The following NTRK3 variants were observed in gnomAD, a reference collection of about 807,000 sequenced individuals.
NTRK3 encodes the protein NT-3 growth factor receptor.
Under a neutral mutation model 91.7 loss-of-function variants are expected in NTRK3, and 24 were observed. The observed-to-expected ratio is 0.26, with a 90% CI of 0.19 to 0.37. NTRK3 has a LOEUF of 0.37. NTRK3 is among the 10% of genes least tolerant of loss of function. NTRK3 has a pLI of 1.00. For missense variants in NTRK3, 880 were observed against 1,068.9 expected (o/e 0.82, Z 2.46); for synonymous variants, 483 against 404.0 (o/e 1.20, Z -2.34).
intron 14 of NTRK3, among the ~76,000 whole-genome samples, chr15:88,020,437 G>T (rs2077521276): frequency 1.3e-5 from 2 of 152,188 alleles, no homozygotes; most frequent in South Asian, 4.1e-4. Flanking sequence ...TTGGGGGAAA[G>T]AAGTCGCTGG....
intron 17 of NTRK3, among the ~76,000 whole-genome samples, chr15:87,882,939 A>T (rs1394605146): frequency 6.6e-6 from 1 of 151,974 alleles, no homozygotes; most frequent in African/African-American, 2.4e-5. Flanking sequence ...GAGTTATATC[A>T]CCTCTTAAAT....
chr15:88,039,739 C>T (rs1596900688), intron 13 of NTRK3, among the ~76,000 whole-genome samples: 1 of 152,190 alleles, frequency 6.6e-6, no homozygotes, highest in Non-Finnish European at 1.5e-5. Context: ...AAAAGATACA[C>T]CCACCAGCAG....
chr15:88,080,500 T>A (rs1268680950), intron 13 of NTRK3, among the ~76,000 whole-genome samples: 3 of 152,268 alleles, frequency 2.0e-5, no homozygotes, highest in Non-Finnish European at 4.4e-5. Flanking sequence ...TTTCTAATTC[T>A]GGGAATTGCC....
intron 14 of NTRK3, chr15:87,978,341 G>C (rs72481816): frequency 5.9e-4 from 135 of 230,516 alleles, no homozygotes; most frequent in Non-Finnish European, 9.7e-4. Flanking sequence ...AGAGGGGCTG[G>C]AGGAGGCCAA....
At chr15:87,983,258 C>T (rs2074451695) in intron 14 of NTRK3, among the ~76,000 whole-genome samples, 1 of 152,170 alleles carries the variant, frequency 6.6e-6, no homozygotes, top group Non-Finnish European at 1.5e-5. Flanking sequence ...GGCGCTGGGG[C>T]CCTGGGTGGT....
intron 13 of NTRK3, among the ~76,000 whole-genome samples, chr15:88,079,268 G>A (rs74700787): frequency 0.031 from 4,650 of 152,280 alleles, 230 homozygotes; most frequent in African/African-American, 0.1. Flanking sequence ...GACGATCAGC[G>A]TTTTGACAAG....
intron 13 of NTRK3, among the ~76,000 whole-genome samples, chr15:88,057,413 G>A (rs1278813094): frequency 6.6e-6 from 1 of 151,640 alleles, no homozygotes; most frequent in East Asian, 1.9e-4. Context: ...TGGGAGAAAC[G>A]CTGGAATCTG....
chr15:87,899,013 A>G (rs1267620117), intron 17 of NTRK3, among the ~76,000 whole-genome samples: 2 of 151,576 alleles, frequency 1.3e-5, no homozygotes, highest in Non-Finnish European at 2.9e-5. Context: ...CACCATAACA[A>G]CTCTAATTGC....
intron 13 of NTRK3, among the ~76,000 whole-genome samples, chr15:88,037,461 C>T (rs1170378883): frequency 6.6e-6 from 1 of 152,152 alleles, no homozygotes; most frequent in Non-Finnish European, 1.5e-5. Flanking sequence ...ACTAGAGAGG[C>T]TGAGGCAGGA....
chr15:87,929,429 T>C (rs764415972), exon 17 of NTRK3: 7 of 1,613,890 alleles, frequency 4.3e-6, no homozygotes, highest in Non-Finnish European at 5.1e-6. Context: ...ATCTGGCCCA[T>C]GGGCCCTGCA....
exon 18 of NTRK3, chr15:87,880,333 C>A (rs2141467284): frequency 6.2e-7 from 1 of 1,613,730 alleles, no homozygotes; most frequent in Non-Finnish European, 8.5e-7. Flanking sequence ...AGAGGATCAC[C>A]CCGAAGCTCC....
At chr15:88,103,060 C>T (rs2050342376) in intron 13 of NTRK3, among the ~76,000 whole-genome samples, 1 of 152,184 alleles carries the variant, frequency 6.6e-6, no homozygotes, top group Non-Finnish European at 1.5e-5. Flanking sequence ...GATATTATAA[C>T]TCCATTTTAT....
At chr15:88,058,723 G>A (rs113509565) in intron 13 of NTRK3, among the ~76,000 whole-genome samples, 4,928 of 152,190 alleles carry the variant, frequency 0.032, 110 homozygotes, top group Non-Finnish European at 0.048. Flanking sequence ...CTGCCCACAA[G>A]CCACATGGCT....
intron 3 of NTRK3, among the ~76,000 whole-genome samples, chr15:88,188,896 C>T (rs1597849695): frequency 6.6e-6 from 1 of 152,234 alleles, no homozygotes; most frequent in East Asian, 1.9e-4. Flanking sequence ...ATTTCTCATG[C>T]CTCTTCATTC....
At chr15:87,996,296 T>C (rs1197651531) in intron 14 of NTRK3, among the ~76,000 whole-genome samples, 1 of 152,118 alleles carries the variant, frequency 6.6e-6, no homozygotes, top group Non-Finnish European at 1.5e-5. Context: ...TTAAGAGTTG[T>C]ACAGAAACAG....
chr15:87,975,115 A>G (rs1441749465), intron 14 of NTRK3, among the ~76,000 whole-genome samples: 1 of 152,168 alleles, frequency 6.6e-6, no homozygotes, highest in Non-Finnish European at 1.5e-5. Context: ...TAAGTGCTTC[A>G]TAAGTTACAT....
In NTRK3 at chr15:87,985,201, G is replaced by T. The variant is rs959321280; in HGVS notation, c.1586-44448C>A. On this transcript the variant is annotated intron_variant, in intron 14 of 18. Transcript: ENST00000394480. Reference sequence around the variant, plus strand: ...GGAAGCAAGCATGGTCAGAAATCAGGTTCCCAACAGGACACCATGCTGAAG... The same window carrying T: ...GGAAGCAAGCATGGTCAGAAATCAGTTTCCCAACAGGACACCATGCTGAAG... 3.3e-5 allele frequency among the ~76,000 whole-genome samples: 5 copies of T among 152,166 alleles called. No individual in the cohort carries two copies. In the East Asian group the frequency reaches 9.6e-4, roughly 29 times the overall value.
At chr15:87,975,771 T>A (rs1279616591) in intron 14 of NTRK3, among the ~76,000 whole-genome samples, 2 of 152,176 alleles carry the variant, frequency 1.3e-5, no homozygotes, top group African/African-American at 2.4e-5. Flanking sequence ...GTCCATAGTC[T>A]CTTCCCCGTC....
intron 17 of NTRK3, among the ~76,000 whole-genome samples, chr15:87,883,636 A>G (rs897109989): frequency 2.0e-5 from 3 of 151,068 alleles, no homozygotes; most frequent in Non-Finnish European, 4.4e-5. Context: ...TCAATTACCT[A>G]AAAAAAGTAT....
Sources: gnomAD v4.1 joint callset for allele counts (sites outside exome capture counted in the v4.1 genomes callset) on GRCh38, gnomAD v4.1.1 for gene constraint, MANE v1.5 for transcripts, NCBI Gene and HGNC (gene_info 2026-07-23, HGNC 2026-07-21) for gene names.